FARP1: variants seen among roughly 807,000 people sequenced by gnomAD.
FARP1 encodes FERM, ARH/RhoGEF and pleckstrin domain protein 1.
FARP1 carries 52 observed loss-of-function variants against 128.8 expected under a neutral mutation model. The ratio of observed to expected loss-of-function variants is 0.40; its 90% confidence interval spans 0.32 to 0.51. FARP1 has a LOEUF of 0.51. Among genes scored for constraint, FARP1 ranks in the 20% least tolerant of loss-of-function variants. The pLI, the probability that FARP1 is intolerant of heterozygous loss-of-function variation, is 0.45. For synonymous variants in FARP1, 580 were observed against 551.8 expected (o/e 1.05, Z -0.72); for missense variants, 1,333 against 1,367.9 (o/e 0.97, Z 0.40).
chr13:98,453,311 A>T lies in FARP1; in HGVS notation c.*4994A>T. 1 of 1,237,792 alleles carries T rather than the reference A, an allele frequency of 8.1e-7. No homozygotes were observed. Among genetic ancestry groups the T allele is most frequent in the Non-Finnish European group, 1.1e-6 (1 of 871,720 alleles). 76.7% of individuals were successfully genotyped at this position (1,237,792 alleles called of 1,614,324 possible). On this transcript the variant is annotated 3_prime_UTR_variant, in exon 27 of 27. Coordinates refer to ENST00000319562, the MANE Select transcript of FARP1 (RefSeq NM_005766.4). Reference sequence around the variant, plus strand: ...ATCTTAGTTTTCATAAGAAATTCCAAGTCATACAAAAATAAGTGGAGCAAA... The same window carrying T: ...ATCTTAGTTTTCATAAGAAATTCCATGTCATACAAAAATAAGTGGAGCAAA...
chr13:98,383,380 G>A (rs1594471129), intron 6 of FARP1, among the ~76,000 whole-genome samples: 1 of 152,162 alleles, frequency 6.6e-6, no homozygotes, highest in Non-Finnish European at 1.5e-5. Context: ...TTGGTCTTTC[G>A]GATGATGAGG....
intron 1 of FARP1, among the ~76,000 whole-genome samples, chr13:98,157,749 CACTT>C (rs1045346671): frequency 1.3e-5 from 2 of 152,224 alleles, no homozygotes; most frequent in African/African-American, 2.4e-5. Context: ...AGTTTTTCCT[CACTT>C]AGAGCAACTT....
chr13:98,423,206 C>T (rs1022235212), intron 16 of FARP1, among the ~76,000 whole-genome samples: 5 of 152,214 alleles, frequency 3.3e-5, no homozygotes, highest in African/African-American at 1.2e-4. Context: ...TCCCACTCAA[C>T]TGACTCAAAT....
At chr13:98,207,076 C>T (rs1296196014) in intron 1 of FARP1, among the ~76,000 whole-genome samples, 1 of 152,154 alleles carries the variant, frequency 6.6e-6, no homozygotes, top group Non-Finnish European at 1.5e-5. Context: ...TTATGACTTG[C>T]CAGCGTTCCT....
chr13:98,180,378 A>C (rs1340350737), intron 1 of FARP1, among the ~76,000 whole-genome samples: 1 of 152,090 alleles, frequency 6.6e-6, no homozygotes, highest in Non-Finnish European at 1.5e-5. Flanking sequence ...ATCCACCCCC[A>C]TGATCCAGTC....
Position 98,448,319 on chromosome 13 carries a change from G to A in FARP1, c.*2G>A, listed in dbSNP as rs139195666. On this transcript the variant is annotated 3_prime_UTR_variant, in exon 27 of 27. Transcript: ENST00000319562. ...CACAAAGAGTCTCTTGTGTATTGATGGCCGGACACACTCGTTTCCGCAGTG... is the reference window on the plus strand; with the variant it reads ...CACAAAGAGTCTCTTGTGTATTGATAGCCGGACACACTCGTTTCCGCAGTG... The A allele has an allele frequency of 6.0e-5, 97 of 1,609,802 alleles. No homozygotes were observed. In the African/African-American group the frequency reaches 1.2e-3, roughly 20 times the overall value.
intron 1 of FARP1, among the ~76,000 whole-genome samples, chr13:98,162,893 C>T (rs1231597286): frequency 3.3e-5 from 5 of 152,122 alleles, no homozygotes; most frequent in South Asian, 4.1e-4. Context: ...TTAGTTCAAC[C>T]GTTGTGGAAA....
Position 98,268,451 on chromosome 13 carries a change from T to G in FARP1, c.171+55038T>G, listed in dbSNP as rs112195160. Among the ~76,000 whole-genome samples the G allele has an allele frequency of 3.3e-3, 510 of 152,290 alleles. 2 individuals carry two copies. Among genetic ancestry groups the G allele is most frequent in the African/African-American group, 0.012 (490 of 41,560 alleles). On this transcript the variant is annotated intron_variant, in intron 2 of 26. Transcript: ENST00000319562. ...CTCCCCAAAGCACATCTACGCTGAC[T>G]AAAGATTCTGTTTCTCCCTTCTCTT...
intron 3 of FARP1, among the ~76,000 whole-genome samples, chr13:98,346,375 A>G (rs1888179162): frequency 1.3e-5 from 2 of 150,898 alleles, no homozygotes; most frequent in Admixed American, 1.3e-4. Flanking sequence ...TTTTTAGTAG[A>G]GATGGGGTTT....
rs149560570 is a variant in FARP1, at chr13:98,325,425, C to T, written c.172-18337C>T. Among the ~76,000 whole-genome samples, 21 of 152,286 alleles carry T rather than the reference C, an allele frequency of 1.4e-4. No individual in the cohort carries two copies. The East Asian group carries it at 3.7e-3, about 27-fold the overall frequency. On this transcript the variant is annotated intron_variant, in intron 2 of 26. Transcript: ENST00000319562. ...GCTGAAAGTGAAGGCTCCCACCTGA[C>T]GCCCCAGCTTGCTGATTAAATTTAG...
chr13:98,229,191 T>A (rs2139396319), intron 2 of FARP1, among the ~76,000 whole-genome samples: 1 of 152,314 alleles, frequency 6.6e-6, no homozygotes, highest in South Asian at 2.1e-4. Context: ...TATTTACCCT[T>A]CTACCCACAT....
In FARP1 at chr13:98,454,976, G is replaced by A. The variant is rs1171261861; in HGVS notation, c.*6659G>A. On this transcript the variant is annotated 3_prime_UTR_variant, in exon 27 of 27. Transcript: ENST00000319562. ...ACAACACAGACATCAGGTAGCTACAGACCCGCCCGAGGGTAAATAGGGTCA... is the reference window on the plus strand; with the variant it reads ...ACAACACAGACATCAGGTAGCTACAAACCCGCCCGAGGGTAAATAGGGTCA... The A allele has an allele frequency of 1.3e-5, 2 of 152,242 alleles. No individual in the cohort carries two copies. Among genetic ancestry groups the A allele is most frequent in the African/African-American group, 4.8e-5 (2 of 41,440 alleles). 9.4% of individuals were successfully genotyped at this position (152,242 alleles called of 1,614,324 possible).
rs530921481 is a variant in FARP1 at position 98,341,496 on chromosome 13, G to C, written c.172-2266G>C. The stretch of plus-strand genomic sequence containing the variant: ...AAAATACAAAAATTAGCTGGGCGTG[G>C]TGGCGGGCGCCTGTAATCCCAGCTA... On this transcript the variant is annotated intron_variant, in intron 2 of 26. Transcript: ENST00000319562. Among the ~76,000 whole-genome samples, 35 of 152,292 alleles carry C rather than the reference G, an allele frequency of 2.3e-4. No individual in the cohort carries two copies. The South Asian group carries it at 7.3e-3, about 32-fold the overall frequency.
Position 98,269,762 on chromosome 13 carries a change from G to A in FARP1, c.171+56349G>A, listed in dbSNP as rs750140362. ...GACTATATTGCCTGAGTGAGTGGTC[G>A]GGGGGTGTCAGCGAAGATGTTGGTT... On this transcript the variant is annotated intron_variant, in intron 2 of 26. Transcript: ENST00000319562. Among the ~76,000 whole-genome samples, 7 of 152,154 alleles carry A rather than the reference G, an allele frequency of 4.6e-5. No homozygotes were observed. The East Asian group carries it at 5.8e-4, about 13-fold the overall frequency.
chr13:98,210,989 C>T (rs1880670734), intron 1 of FARP1, among the ~76,000 whole-genome samples: 2 of 152,164 alleles, frequency 1.3e-5, no homozygotes, highest in Admixed American at 6.5e-5. Flanking sequence ...TGAATTGTTA[C>T]AGGTGATTTG....
At chr13:98,428,862 A>T (rs539827003) in intron 17 of FARP1, among the ~76,000 whole-genome samples, 1 of 152,346 alleles carries the variant, frequency 6.6e-6, no homozygotes, top group East Asian at 1.9e-4. Context: ...CCCTCTCAAA[A>T]TCAAATAGGG....
rs1444706027 is a variant in FARP1, at chr13:98,450,785, CTCTT to C, written c.*2469_*2472del. On this transcript the variant is annotated 3_prime_UTR_variant, in exon 27 of 27. Coordinates refer to ENST00000319562, the MANE Select transcript of FARP1 (RefSeq NM_005766.4). ...GTGGTAGCCCTGGTGCCTGGGCTCT[CTCTT>C]AATGCAGGCCTGGAAGTGGCGACAC... 6.6e-6 allele frequency: 1 copy of C among 152,286 alleles called. No homozygotes were observed. Among genetic ancestry groups the C allele is most frequent in the Non-Finnish European group, 1.5e-5 (1 of 68,074 alleles). 9.4% of individuals were successfully genotyped at this position (152,286 alleles called of 1,614,324 possible).
At chr13:98,389,934 A>G (rs1186848680) in intron 9 of FARP1, 23 bp from the exon 10 acceptor site, 1 of 1,611,956 alleles carries the variant, frequency 6.2e-7, no homozygotes, top group Non-Finnish European at 8.5e-7. Flanking sequence ...GGAAAAAACC[A>G]CCGTTGTATT....
chr13:98,267,471 G>A lies in FARP1; in HGVS notation c.171+54058G>A, dbSNP rs138327931. On this transcript the variant is annotated intron_variant, in intron 2 of 26. Coordinates refer to ENST00000319562, the MANE Select transcript of FARP1 (RefSeq NM_005766.4). ...TGCTGGTCTGCTGCTGTGGTTGGGG[G>A]TTGCAGACGCTCCCACCCCCCCATA... Among the ~76,000 whole-genome samples the A allele has an allele frequency of 1.4e-3, 209 of 152,282 alleles. 6 individuals carry two copies. In the East Asian group the frequency reaches 0.034, roughly 25 times the overall value.
Sources: allele counts gnomAD v4.1 joint callset (sites outside exome capture counted in the v4.1 genomes callset), GRCh38; gene constraint gnomAD v4.1.1; transcripts MANE v1.5; gene names NCBI Gene and HGNC (gene_info 2026-07-23, HGNC 2026-07-21).